The following KIT variants were observed in gnomAD, a reference collection of about 807,000 sequenced individuals.
KIT encodes the protein mast/stem cell growth factor receptor Kit.
KIT carries 16 observed loss-of-function variants against 105.7 expected under a neutral mutation model. That is an observed-to-expected ratio of 0.15 (90% CI 0.10 to 0.23). The LOEUF is 0.23. Among genes scored for constraint, KIT ranks in the 10% least tolerant of loss-of-function variants. KIT has a pLI of 1.00. For synonymous variants in KIT, 438 were observed against 441.1 expected, an observed-to-expected ratio of 0.99 and a Z score of 0.09; for missense variants, 858 against 1,213.8, an observed-to-expected ratio of 0.71 and a Z score of 4.36.
At chr4:54,719,456 G>A (rs1311481329) in intron 7 of KIT, among the ~76,000 whole-genome samples, 1 of 152,162 alleles carries the variant, frequency 6.6e-6, no homozygotes, top group African/African-American at 2.4e-5. Context: ...AATTGCATGA[G>A]CAATAAATTC....
intron 4 of KIT, among the ~76,000 whole-genome samples, chr4:54,701,080 T>A (rs1432659011): frequency 3.9e-5 from 6 of 152,222 alleles, no homozygotes; most frequent in African/African-American, 1.2e-4. Flanking sequence ...TATCCTTTTT[T>A]GAGATGAGAA....
intron 14 of KIT, among the ~76,000 whole-genome samples, chr4:54,730,547 G>A (rs1722522101): frequency 6.6e-6 from 1 of 151,928 alleles, no homozygotes; most frequent in South Asian, 2.1e-4. Context: ...CTTTTTGTTA[G>A]TTTCTCCTGG....
At chr4:54,730,815 A>G (rs1056450898) in intron 14 of KIT, among the ~76,000 whole-genome samples, 1 of 152,130 alleles carries the variant, frequency 6.6e-6, no homozygotes, top group African/African-American at 2.4e-5. Flanking sequence ...TTGCAGATTG[A>G]AGAGGTCCAG....
At position 54,737,322 on chromosome 4, in the gene KIT, G is replaced by A. The variant is rs979991506; in HGVS notation, c.2802+42G>A. On this transcript the variant is annotated intron_variant, in intron 20 of 20. Transcript: ENST00000288135. ...CAGGCATAGAATCCCCCTTCTCCCA[G>A]TTCCAGGTGTGTCCTCCTCCTCAGG... 3 of 1,290,506 alleles carry A rather than the reference G, an allele frequency of 2.3e-6. No homozygotes were observed. In the Admixed American group the frequency reaches 5.0e-5, roughly 22 times the overall value. The allele number at this position is 1,290,506 out of a possible 1,614,324, so 79.9% of individuals were successfully genotyped here. A position where few individuals can be genotyped will look rare whatever the true frequency, so the allele number is the denominator to read the frequency against.
chr4:54,700,652 G>T lies in KIT; in HGVS notation c.756+886G>T, dbSNP rs375010416. Among the ~76,000 whole-genome samples, 12 of 152,208 alleles carry T rather than the reference G, an allele frequency of 7.9e-5. No individual in the cohort carries two copies. The East Asian group carries it at 2.3e-3, about 29-fold the overall frequency. On this transcript the variant is annotated intron_variant, in intron 4 of 20. Coordinates refer to ENST00000288135, the MANE Select transcript of KIT (RefSeq NM_000222.3). ...CATGCAAGCATTATATTGGAAAAAAGAAATATTATATTTTCTTTCTCCTCC... is the reference window on the plus strand; with the variant it reads ...CATGCAAGCATTATATTGGAAAAAATAAATATTATATTTTCTTTCTCCTCC...
chr4:54,659,328 C>T lies in KIT; in HGVS notation c.67+1247C>T, dbSNP rs915295889. ...CTCCCGTTCCCTTTTTTCCAGGTGT[C>T]GCTGGTGCGGGCGAGTGCAGGTCGC... On this transcript the variant is annotated intron_variant, in intron 1 of 20. Transcript: ENST00000288135. Among the ~76,000 whole-genome samples the T allele has an allele frequency of 4.6e-5, 7 of 152,270 alleles. No homozygotes were observed. In the South Asian group the frequency reaches 1.4e-3, roughly 32 times the overall value.
intron 2 of KIT, among the ~76,000 whole-genome samples, chr4:54,697,662 C>T (rs995671758): frequency 6.6e-6 from 1 of 152,172 alleles, no homozygotes; most frequent in Non-Finnish European, 1.5e-5. Context: ...GCTACATTTA[C>T]ATGTTTCTTC....
intron 1 of KIT, among the ~76,000 whole-genome samples, chr4:54,676,639 G>GTGTC (rs1458086793): frequency 6.7e-6 from 1 of 149,224 alleles, no homozygotes; most frequent in African/African-American, 2.5e-5. Flanking sequence ...AAATACGATT[G>GTGTC]TGTCCTACCC....
At chr4:54,660,694 AT>A (rs2109532130) in intron 1 of KIT, among the ~76,000 whole-genome samples, 1 of 152,120 alleles carries the variant, frequency 6.6e-6, no homozygotes, top group South Asian at 2.1e-4. Context: ...TAGTACTATT[AT>A]TACCCCTAAC....
Position 54,698,303 on chromosome 4 carries a change from T to C in KIT, c.357T>C (p.Leu119=), listed in dbSNP as rs759839714. 2 of 1,613,962 alleles carry C rather than the reference T, an allele frequency of 1.2e-6. No homozygotes were observed. The highest frequency in any genetic ancestry group is 4.5e-5 in the East Asian group (2 of 44,878). ...CTATAGATCCTGCCAAGCTTTTCCT[T>C]GTTGACCGCTCCTTGTATGGGAAAG... ...VFVRDPAKLF[L]VDRSLYGKED... The change falls in exon 3 of 21, where the codon CTT becomes CTC. Residue 119 remains leucine, a synonymous_variant. Coordinates refer to ENST00000288135, the MANE Select transcript of KIT (RefSeq NM_000222.3).
chr4:54,698,817 T>G (rs1720256752), intron 3 of KIT, among the ~76,000 whole-genome samples: 1 of 152,246 alleles, frequency 6.6e-6, no homozygotes, highest in Non-Finnish European at 1.5e-5. Context: ...TGGACTGACT[T>G]AAGTCAGCCC....
rs2109774763 is a variant in KIT, at chr4:54,727,333, T to C, written c.1647+9T>C. The C allele has an allele frequency of 6.2e-7, 1 of 1,613,416 alleles. No individual in the cohort carries two copies. The highest frequency in any genetic ancestry group is 1.7e-5 in the Admixed American group (1 of 60,026). On this transcript the variant is annotated intron_variant, in intron 10 of 20. Transcript: ENST00000288135. ...CCTACAAATATTTACAGGTAACCAT[T>C]TATTTGTTCTCTCTCCAGAGTGCTC...
In KIT at chr4:54,738,710, G is replaced by T. The variant is rs1284664400; in HGVS notation, c.*153G>T. 5.3e-6 allele frequency: 5 copies of T among 948,324 alleles called. No homozygotes were observed. Among genetic ancestry groups the T allele is most frequent in the Non-Finnish European group, 6.7e-6 (4 of 595,360 alleles). 58.7% of individuals were successfully genotyped at this position (948,324 alleles called of 1,614,324 possible). On this transcript the variant is annotated 3_prime_UTR_variant, in exon 21 of 21. Transcript: ENST00000288135. ...TTCTGAGCACACTTTAGTGGCCGAT[G>T]ATTTTTGTCATCAGCCACCATCCTA...
intron 1 of KIT, among the ~76,000 whole-genome samples, chr4:54,668,939 T>C (rs1354716573): frequency 6.6e-6 from 1 of 152,204 alleles, no homozygotes; most frequent in East Asian, 1.9e-4. Context: ...TGAAAGAAGG[T>C]ACCTTAGAAA....
chr4:54,661,055 G>A (rs1474089738), intron 1 of KIT, among the ~76,000 whole-genome samples: 1 of 152,154 alleles, frequency 6.6e-6, no homozygotes, highest in Non-Finnish European at 1.5e-5. Context: ...TTAGTTGTTA[G>A]CTATCTCATT....
Position 54,727,557 on chromosome 4 carries a change from G to A in KIT, c.1774+15G>A. ...GCTGAGTTTTGGTCAGTATGAAACA[G>A]GGGCTTTCCATGTCACCTTTTTGGG... is the stretch of plus-strand genomic sequence containing the variant. On this transcript the variant is annotated intron_variant, in intron 11 of 20. Coordinates refer to ENST00000288135, the MANE Select transcript of KIT (RefSeq NM_000222.3). 1.9e-6 allele frequency: 3 copies of A among 1,613,966 alleles called. No homozygotes were observed. The highest frequency in any genetic ancestry group is 2.5e-6 in the Non-Finnish European group (3 of 1,179,946).
At chr4:54,728,206 A>G (rs115786802) in intron 13 of KIT, 85 bp downstream of exon 13, 3 of 992,548 alleles carry the variant, frequency 3.0e-6, no homozygotes, top group African/African-American at 1.6e-5. Flanking sequence ...ATGCTAGATT[A>G]TAAACTGCTT....
At chr4:54,731,768 T>G in intron 15 of KIT, 103 bp from the exon 16 acceptor site, 2 of 1,198,264 alleles carry the variant, frequency 1.7e-6, no homozygotes, top group Non-Finnish European at 2.5e-6. Flanking sequence ...CAAGTTCACA[T>G]TAGTTCATTC....
At chr4:54,671,601 G>T (rs529813669) in intron 1 of KIT, among the ~76,000 whole-genome samples, 1 of 152,060 alleles carries the variant, frequency 6.6e-6, no homozygotes, top group Non-Finnish European at 1.5e-5. Context: ...TATTGTTTTG[G>T]GTGAGAATTT....
Sources: allele counts gnomAD v4.1 joint callset (sites outside exome capture counted in the v4.1 genomes callset), GRCh38; gene constraint gnomAD v4.1.1; transcripts MANE v1.5; gene names NCBI Gene and HGNC (gene_info 2026-07-23, HGNC 2026-07-21).